The following TTC7A variants were observed in gnomAD, a reference collection of about 807,000 sequenced individuals.
The protein encoded by TTC7A is tetratricopeptide repeat domain 7A.
A neutral mutation model predicts 103.7 loss-of-function variants in TTC7A; 110 were observed. The observed-to-expected ratio is 1.06, with a 90% CI of 0.91 to 1.24. The LOEUF is 1.24. Among genes scored for constraint, TTC7A ranks in the 50% most tolerant of loss-of-function variants. TTC7A has a pLI of 0.00. For synonymous variants in TTC7A, 521 were observed against 467.9 expected, an observed-to-expected ratio of 1.11 and a Z score of -1.47; for missense variants, 1,340 against 1,116.3, an observed-to-expected ratio of 1.20 and a Z score of -2.86.
At position 47,046,810 on chromosome 2, in the gene TTC7A, A is replaced by T. The variant is rs547832369; in HGVS notation, c.1919+379A>T. 3.0e-4 allele frequency: 75 copies of T among 246,404 alleles called. 1 individual carries two copies. The highest frequency in any genetic ancestry group is 1.6e-3 in the African/African-American group (70 of 44,372). 15.3% of individuals were successfully genotyped at this position (246,404 alleles called of 1,614,324 possible). A position where few individuals can be genotyped will look rare whatever the true frequency, so the allele number is the denominator to read the frequency against. ...ACTCAGACACAGAGACTTTATATAT[A>T]GCTTACCAGAATCACTCGCCTGGTA... is the stretch of plus-strand genomic sequence containing the variant. On this transcript the variant is annotated intron_variant, in intron 16 of 19. Coordinates refer to ENST00000319190, the MANE Select transcript of TTC7A (RefSeq NM_020458.4).
rs532568910 is a variant in TTC7A at position 46,923,970 on chromosome 2, A to G, written c.82+6693A>G. On this transcript the variant is annotated intron_variant, in intron 2 of 20. Transcript: ENST00000409245. ...AGGCTGGTCTCGAACTCCTGACCTC[A>G]GGTGATCCACCCGCCTCGGCCTCCC... Among the ~76,000 whole-genome samples the G allele has an allele frequency of 1.7e-3, 264 of 152,168 alleles. 2 individuals carry two copies. The highest frequency in any genetic ancestry group is 6.0e-3 in the African/African-American group (251 of 41,520).
At chr2:46,968,855 A>G (rs990920271) in intron 3 of TTC7A, among the ~76,000 whole-genome samples, 2 of 151,840 alleles carry the variant, frequency 1.3e-5, no homozygotes, top group Non-Finnish European at 2.9e-5. Context: ...GATACAGAAC[A>G]TTTCTATCAC....
chr2:47,029,173 C>G (rs781366576), intron 14 of TTC7A, 51 bp from the exon 15 acceptor site: 2 of 1,603,962 alleles, frequency 1.2e-6, no homozygotes, highest in African/African-American at 2.7e-5. Context: ...CTCCTGAGTC[C>G]CAGGGCAGCA....
At chr2:47,026,345 C>T (rs1489136946) in intron 14 of TTC7A, among the ~76,000 whole-genome samples, 1 of 152,240 alleles carries the variant, frequency 6.6e-6, no homozygotes, top group African/African-American at 2.4e-5. Flanking sequence ...CCAGTGGCCC[C>T]ACTGATCTTA....
intron 1 of TTC7A, among the ~76,000 whole-genome samples, chr2:46,942,434 A>G (rs999042257): frequency 4.6e-5 from 7 of 152,172 alleles, no homozygotes; most frequent in African/African-American, 1.7e-4. Context: ...TGTGGGCACA[A>G]TCACTTAGGA....
At chr2:46,987,834 GTGTGTGTGTT>G (rs1377428118) in intron 5 of TTC7A, among the ~76,000 whole-genome samples, 39 of 151,826 alleles carry the variant, frequency 2.6e-4, no homozygotes, top group South Asian at 6.2e-4. Context: ...GTGTGTGTGT[GTGTGTGTGTT>G]TGTGTGTGTC....
At chr2:47,013,360 G>A (rs571968836) in intron 11 of TTC7A, among the ~76,000 whole-genome samples, 2 of 152,342 alleles carry the variant, frequency 1.3e-5, no homozygotes, top group East Asian at 3.9e-4. Flanking sequence ...GCCCATGGGT[G>A]CTGAGCACGT....
chr2:46,953,749 A>T (rs1300269330), intron 2 of TTC7A, among the ~76,000 whole-genome samples: 1 of 151,856 alleles, frequency 6.6e-6, no homozygotes, highest in Non-Finnish European at 1.5e-5. Flanking sequence ...GCACCATCGC[A>T]TGCAGGCCTC....
chr2:47,015,997 G>A lies in TTC7A; in HGVS notation c.1392+4562G>A, dbSNP rs552570117. Among the ~76,000 whole-genome samples, 5 of 152,276 alleles carry A rather than the reference G, an allele frequency of 3.3e-5. 1 individual carries two copies. The highest frequency in any genetic ancestry group is 1.2e-4 in the African/African-American group (5 of 41,542). ...TTAAAAACTCTGCGGGCTCAGAAACGAACTTTCTGTAGTTCCCAGAAAGAG... is the reference window on the plus strand; with the variant it reads ...TTAAAAACTCTGCGGGCTCAGAAACAAACTTTCTGTAGTTCCCAGAAAGAG... On this transcript the variant is annotated intron_variant, in intron 11 of 19. Coordinates refer to ENST00000319190, the MANE Select transcript of TTC7A (RefSeq NM_020458.4).
At chr2:46,998,806 C>T (rs1030785972) in intron 8 of TTC7A, among the ~76,000 whole-genome samples, 11 of 152,048 alleles carry the variant, frequency 7.2e-5, no homozygotes, top group African/African-American at 2.4e-4. Flanking sequence ...GGGGCTGCTA[C>T]CTTGGATATG....
intron 3 of TTC7A, among the ~76,000 whole-genome samples, chr2:46,973,785 G>T (rs1020521347): frequency 6.6e-6 from 1 of 152,188 alleles, no homozygotes; most frequent in Non-Finnish European, 1.5e-5. Flanking sequence ...ACAGAAAAAA[G>T]TCGGGTACAG....
At chr2:46,988,254 C>T (rs891308530) in intron 5 of TTC7A, among the ~76,000 whole-genome samples, 4 of 152,138 alleles carry the variant, frequency 2.6e-5, no homozygotes, top group African/African-American at 9.7e-5. Context: ...TCCTTGGTGC[C>T]ACAGGAGGGA....
At chr2:47,062,609 A>G (rs1353960843) in intron 19 of TTC7A, among the ~76,000 whole-genome samples, 1 of 152,186 alleles carries the variant, frequency 6.6e-6, no homozygotes, top group Non-Finnish European at 1.5e-5. Context: ...CCAGGCAGAG[A>G]TGTCTGCCTT....
chr2:46,916,255 C>A, exon 1 of TTC7A: 1 of 827,110 alleles, frequency 1.2e-6, no homozygotes, highest in Non-Finnish European at 1.5e-6. Flanking sequence ...ATGAAACGAC[C>A]ACAACACGCT....
intron 2 of TTC7A, among the ~76,000 whole-genome samples, chr2:46,920,769 T>G (rs188448189): frequency 1.4e-4 from 21 of 152,244 alleles, no homozygotes; most frequent in Admixed American, 3.3e-4. Context: ...GGCATTTTCA[T>G]GATGAATTTT....
chr2:47,026,331 C>T (rs1052706408), intron 14 of TTC7A, among the ~76,000 whole-genome samples: 55 of 152,184 alleles, frequency 3.6e-4, no homozygotes, highest in Admixed American at 2.8e-3. Flanking sequence ...ACCGACAAGC[C>T]GAGCCAGTGG....
intron 15 of TTC7A, chr2:47,040,668 C>G (rs1048941662): frequency 3.3e-5 from 5 of 152,248 alleles, no homozygotes; most frequent in African/African-American, 1.2e-4. Flanking sequence ...TTCTTGGGAT[C>G]GGGCCGGCCT....
chr2:46,960,951 G>A (rs564551420), intron 3 of TTC7A, among the ~76,000 whole-genome samples: 6 of 152,356 alleles, frequency 3.9e-5, no homozygotes, highest in Admixed American at 3.9e-4. Flanking sequence ...CATTTTCTTG[G>A]CATTTGCTTT....
intron 12 of TTC7A, 24 bp from the exon 13 acceptor site, chr2:47,023,384 C>T (rs2104556700): frequency 6.2e-7 from 1 of 1,613,592 alleles, no homozygotes; most frequent in East Asian, 2.2e-5. Context: ...CCTGATGGCT[C>T]AGTTTCTGTC....
Sources: allele counts gnomAD v4.1 joint callset (sites outside exome capture counted in the v4.1 genomes callset), GRCh38; gene constraint gnomAD v4.1.1; transcripts MANE v1.5; gene names NCBI Gene and HGNC (gene_info 2026-07-23, HGNC 2026-07-21).